Variants in DLGAP1 observed in about 807,000 individuals in gnomAD.
DLGAP1 encodes the protein DLG associated protein 1.
Under a neutral mutation model 90.8 loss-of-function variants are expected in DLGAP1, and 11 were observed. The observed-to-expected ratio is 0.12, with a 90% CI of 0.08 to 0.20. The LOEUF (loss-of-function observed/expected upper bound fraction) is 0.20. Ranked by LOEUF, DLGAP1 falls within the 10% of genes least tolerant of loss-of-function variation. The pLI, the probability that DLGAP1 is intolerant of heterozygous loss-of-function variation, is 1.00. For synonymous variants in DLGAP1, 558 were observed against 540.7 expected (o/e 1.03, Z -0.44); for missense variants, 1,050 against 1,333.8 (o/e 0.79, Z 3.31).
intron 7 of DLGAP1, among the ~76,000 whole-genome samples, chr18:3,632,209 A>G (rs1211007534): frequency 1.3e-5 from 2 of 152,170 alleles, no homozygotes; most frequent in African/African-American, 4.8e-5. Context: ...TCTACATAAA[A>G]TAAATCATTT....
chr18:4,349,552 GA>G (rs900528270), intron 1 of DLGAP1, among the ~76,000 whole-genome samples: 1 of 151,298 alleles, frequency 6.6e-6, no homozygotes, highest in Non-Finnish European at 1.5e-5. Context: ...GAATAAAAGT[GA>G]AAAAAAACTA....
chr18:3,820,457 G>A (rs539138704), intron 4 of DLGAP1, among the ~76,000 whole-genome samples: 1 of 152,316 alleles, frequency 6.6e-6, no homozygotes, highest in African/African-American at 2.4e-5. Context: ...AGGCAGTAGA[G>A]CAAGGAAAAG....
intron 4 of DLGAP1, among the ~76,000 whole-genome samples, chr18:3,826,026 C>T (rs537399959): frequency 2.3e-4 from 35 of 152,238 alleles, no homozygotes; most frequent in African/African-American, 6.7e-4. Context: ...CATGCAGAAA[C>T]GGAAAACCAA....
chr18:4,255,185 C>G (rs2078863790), intron 1 of DLGAP1, among the ~76,000 whole-genome samples: 1 of 152,152 alleles, frequency 6.6e-6, no homozygotes, highest in Non-Finnish European at 1.5e-5. Flanking sequence ...GTTCATCTAT[C>G]CTTTAGATTG....
chr18:3,782,029 GGAACAGTATTCCAAGCTT>G (rs2065221088), intron 5 of DLGAP1, among the ~76,000 whole-genome samples: 1 of 6,548 alleles, frequency 1.5e-4, no homozygotes, highest in African/African-American at 2.6e-4. Context: ...TTCCAAGCTT[GGAACAGTATTCCAAGCTT>G]GGAACAGTAT....
intron 3 of DLGAP1, among the ~76,000 whole-genome samples, chr18:3,887,824 A>G (rs1568280612): frequency 6.8e-6 from 1 of 147,774 alleles, no homozygotes; most frequent in Non-Finnish European, 1.5e-5. Context: ...GTAAACAGAA[A>G]ACGGCCGGGG....
At chr18:3,748,342 T>G (rs2063358183) in intron 5 of DLGAP1, among the ~76,000 whole-genome samples, 1 of 152,222 alleles carries the variant, frequency 6.6e-6, no homozygotes, top group Admixed American at 6.5e-5. Flanking sequence ...CCACAAAGTT[T>G]TAAACCAGTG....
chr18:3,523,711 G>A (rs1042718977), intron 10 of DLGAP1, among the ~76,000 whole-genome samples: 3 of 152,106 alleles, frequency 2.0e-5, no homozygotes, highest in Non-Finnish European at 4.4e-5. Context: ...GCCAGGCGTG[G>A]TGGCGTGCGC....
intron 9 of DLGAP1, among the ~76,000 whole-genome samples, chr18:3,548,074 AG>A (rs1265828889): frequency 6.6e-6 from 1 of 152,234 alleles, no homozygotes. Flanking sequence ...ACCGATTAGC[AG>A]TTACAGAGAC....
At chr18:3,598,542 A>G (rs182318940) in intron 7 of DLGAP1, among the ~76,000 whole-genome samples, 2 of 141,624 alleles carry the variant, frequency 1.4e-5, no homozygotes, top group African/African-American at 5.4e-5. Flanking sequence ...ATCTTGGCTC[A>G]CTGCATCCTC....
intron 4 of DLGAP1, among the ~76,000 whole-genome samples, chr18:3,860,101 A>AAATAAATAAATAAAT (rs2069942594): frequency 1.4e-5 from 2 of 144,402 alleles, no homozygotes; most frequent in South Asian, 2.2e-4. Context: ...TCTGTCTCAA[A>AAATAAATAAATAAAT]AAATAAATAA....
intron 1 of DLGAP1, among the ~76,000 whole-genome samples, chr18:4,418,578 C>T (rs1008677549): frequency 1.3e-5 from 2 of 152,074 alleles, no homozygotes. Context: ...AGAATGCTTT[C>T]ACAGCTTCAT....
intron 1 of DLGAP1, among the ~76,000 whole-genome samples, chr18:4,178,198 AATAAACAC>A (rs1182579761): frequency 3.2e-5 from 4 of 126,036 alleles, no homozygotes; most frequent in Admixed American, 8.3e-5. Context: ...CGGGTCCTGG[AATAAACAC>A]ACACACACAC....
rs2147227055 is a variant in DLGAP1, at chr18:3,711,258, C to T, written c.1591+17877G>A. Among the ~76,000 whole-genome samples, 1 of 152,330 alleles carries T rather than the reference C, an allele frequency of 6.6e-6. No homozygotes were observed. The highest frequency in any genetic ancestry group is 1.9e-4 in the East Asian group (1 of 5,188). On this transcript the variant is annotated intron_variant, in intron 7 of 12. Coordinates refer to ENST00000315677, the MANE Select transcript of DLGAP1 (RefSeq NM_004746.4). The surrounding 1 kb of genome is among the most constrained non-coding windows in gnomAD (Gnocchi z 4.0). ...ACTTGATAACTGGAGAGAATAAAAG[C>T]TACAGCTTGATGCCCCTTCTGTAAT...
intron 1 of DLGAP1, among the ~76,000 whole-genome samples, chr18:4,316,978 C>T (rs1289256797): frequency 6.6e-6 from 1 of 151,788 alleles, no homozygotes; most frequent in Non-Finnish European, 1.5e-5. Flanking sequence ...CTGCTTCTGT[C>T]CTCCTTCCCT....
At chr18:3,728,708 T>G (rs1292352881) in intron 7 of DLGAP1, among the ~76,000 whole-genome samples, 4 of 152,234 alleles carry the variant, frequency 2.6e-5, no homozygotes, top group Non-Finnish European at 5.9e-5. Flanking sequence ...ACTTTGTGGC[T>G]ATCTTGGAAT....
chr18:3,523,299 C>T (rs545222302), intron 10 of DLGAP1, among the ~76,000 whole-genome samples: 26 of 151,808 alleles, frequency 1.7e-4, no homozygotes, highest in African/African-American at 5.3e-4. Flanking sequence ...ATCACTTGAA[C>T]CTGGGAGGCA....
At chr18:3,943,879 C>T (rs1217645259) in intron 3 of DLGAP1, among the ~76,000 whole-genome samples, 2 of 152,134 alleles carry the variant, frequency 1.3e-5, no homozygotes, top group Non-Finnish European at 2.9e-5. Flanking sequence ...GACACAGACA[C>T]ACAGGGAGGA....
In DLGAP1 at chr18:3,499,181, G is replaced by T; in HGVS notation, c.*4C>A. Reference sequence around the variant, plus strand: ...TTGGCGGCGGCGGCCGGGCTGCGGGGCGCTCAGAGCCGGGTCTGCGCCTCG... The same window carrying T: ...TTGGCGGCGGCGGCCGGGCTGCGGGTCGCTCAGAGCCGGGTCTGCGCCTCG... On this transcript the variant is annotated 3_prime_UTR_variant, in exon 13 of 13. Transcript: ENST00000315677. This position sits in a 1 kb window ranked among gnomAD's most constrained non-coding sequence, Gnocchi z 6.4. The T allele has an allele frequency of 6.4e-7, 1 of 1,560,986 alleles. No individual in the cohort carries two copies. The highest frequency in any genetic ancestry group is 8.6e-7 in the Non-Finnish European group (1 of 1,160,126).
Sources: allele counts gnomAD v4.1 joint callset (sites outside exome capture counted in the v4.1 genomes callset), GRCh38; gene constraint gnomAD v4.1.1; non-coding constraint Gnocchi (gnomAD v3.1); transcripts MANE v1.5; gene names NCBI Gene and HGNC (gene_info 2026-07-23, HGNC 2026-07-21).